FAM135B: variants seen among roughly 807,000 people sequenced by gnomAD.
FAM135B encodes the protein protein FAM135B.
FAM135B carries 43 observed loss-of-function variants against 127.7 expected under a neutral mutation model. The observed-to-expected ratio is 0.34, with a 90% CI of 0.26 to 0.43. The LOEUF is 0.43. FAM135B is among the 20% of genes least tolerant of loss of function. The pLI, the probability that FAM135B is intolerant of heterozygous loss-of-function variation, is 1.00. For missense variants in FAM135B, 1,558 were observed against 1,725.6 expected, an observed-to-expected ratio of 0.90 and a Z score of 1.72; for synonymous variants, 670 against 665.1, an observed-to-expected ratio of 1.01 and a Z score of -0.11.
At chr8:138,206,868 C>A (rs1340269824) in intron 7 of FAM135B, among the ~76,000 whole-genome samples, 1 of 151,764 alleles carries the variant, frequency 6.6e-6, no homozygotes, top group Admixed American at 6.6e-5. Flanking sequence ...ATCCCCTCCA[C>A]CTACCCACAG....
chr8:138,231,430 G>A (rs537227141), intron 7 of FAM135B, among the ~76,000 whole-genome samples: 25 of 152,238 alleles, frequency 1.6e-4, no homozygotes, highest in South Asian at 8.3e-4. Context: ...TAACATAACC[G>A]TTGTCCACAT....
intron 9 of FAM135B, among the ~76,000 whole-genome samples, chr8:138,182,620 TTATAA>T (rs1815168924): frequency 6.6e-6 from 1 of 152,216 alleles, no homozygotes. Flanking sequence ...AATTAGATAA[TTATAA>T]TATACTTGTA....
chr8:138,210,293 A>G (rs1011361785), intron 7 of FAM135B, among the ~76,000 whole-genome samples: 1 of 152,214 alleles, frequency 6.6e-6, no homozygotes, highest in African/African-American at 2.4e-5. Flanking sequence ...GCAGGCACAG[A>G]GTCAGCAGCT....
Position 138,131,593 on chromosome 8 carries a change from C to A in FAM135B, c.*1000G>T, listed in dbSNP as rs1816220356. On this transcript the variant is annotated 3_prime_UTR_variant, in exon 20 of 20. Coordinates refer to ENST00000395297, the MANE Select transcript of FAM135B (RefSeq NM_015912.4). ...ATAGCCAGCACCCTTCTTAGAGCTC[C>A]CCTGAGGTTTTAATCCAGCACTCCT... 1 of 152,602 alleles carries A rather than the reference C, an allele frequency of 6.6e-6. No homozygotes were observed. Among genetic ancestry groups the A allele is most frequent in the Non-Finnish European group, 1.5e-5 (1 of 68,044 alleles). 9.5% of individuals were successfully genotyped at this position (152,602 alleles called of 1,614,324 possible).
intron 1 of FAM135B, among the ~76,000 whole-genome samples, chr8:138,415,333 C>G (rs1235961558): frequency 6.6e-6 from 1 of 152,184 alleles, no homozygotes. Context: ...TGGCCCAGAG[C>G]AGGTGTCCTG....
Position 138,479,671 on chromosome 8 carries a change from A to G in FAM135B, c.-20+17000T>C, listed in dbSNP as rs530752298. ...AGATAATGCATGCAAAGTGCTTAAC[A>G]TAATGCCTGCTAAAATAAATTCAAC... On this transcript the variant is annotated intron_variant, in intron 1 of 19. Coordinates refer to ENST00000395297, the MANE Select transcript of FAM135B (RefSeq NM_015912.4). 1.1e-4 allele frequency among the ~76,000 whole-genome samples: 16 copies of G among 152,350 alleles called. No individual in the cohort carries two copies. In the South Asian group the frequency reaches 3.1e-3, roughly 30 times the overall value.
chr8:138,245,675 T>TA (rs1336089176), intron 6 of FAM135B, among the ~76,000 whole-genome samples: 1 of 152,148 alleles, frequency 6.6e-6, no homozygotes, highest in East Asian at 1.9e-4. Flanking sequence ...AATGGACTAA[T>TA]ACAGTAAATT....
At chr8:138,465,493 T>A (rs1481263678) in intron 1 of FAM135B, among the ~76,000 whole-genome samples, 1 of 152,134 alleles carries the variant, frequency 6.6e-6, no homozygotes, top group African/African-American at 2.4e-5. Flanking sequence ...TGGAGCTGCC[T>A]CTCTAAAATC....
chr8:138,243,035 A>G lies in FAM135B; in HGVS notation c.576T>C (p.Gly192=). ...CTTGTCCGGTGTCTGGGCCACCTTT[A>G]CCAAGCCAGGAGCCTCTTCCTGGAC... The part of the protein sequence containing the change: ...FTRPGRGSWL[G]KGGPDTGQEQ... Residue 192 remains glycine (G), a synonymous_variant, in exon 7 of 20, where the codon GGT becomes GGC. Transcript: ENST00000395297. The surrounding 1 kb of genome is among the most constrained non-coding windows in gnomAD (Gnocchi z 7.5). 6.2e-7 allele frequency: 1 copy of G among 1,613,162 alleles called. No individual in the cohort carries two copies.
At chr8:138,178,301 T>G (rs10112986) in intron 10 of FAM135B, among the ~76,000 whole-genome samples, 57,230 of 151,706 alleles carry the variant, frequency 0.38, 11,217 homozygotes, top group Middle Eastern at 0.49. Context: ...TTAATATTTC[T>G]TGTGATAGGC....
At chr8:138,174,126 C>T (rs753892519) in intron 11 of FAM135B, among the ~76,000 whole-genome samples, 2 of 152,176 alleles carry the variant, frequency 1.3e-5, no homozygotes, top group East Asian at 1.9e-4. Flanking sequence ...TTCCTACTCC[C>T]TCCTATCCTA....
intron 1 of FAM135B, among the ~76,000 whole-genome samples, chr8:138,466,189 G>A (rs551463538): frequency 5.9e-5 from 9 of 152,172 alleles, no homozygotes; most frequent in East Asian, 1.9e-4. Flanking sequence ...AGGGGCCTGC[G>A]GTGGAGGGTA....
chr8:138,192,328 T>C (rs1816203213), intron 9 of FAM135B, among the ~76,000 whole-genome samples: 1 of 152,178 alleles, frequency 6.6e-6, no homozygotes, highest in Non-Finnish European at 1.5e-5. Flanking sequence ...GAACTTGCTT[T>C]ACAGTTTGAA....
intron 3 of FAM135B, among the ~76,000 whole-genome samples, chr8:138,289,153 C>T (rs1824913483): frequency 6.6e-6 from 1 of 152,180 alleles, no homozygotes; most frequent in South Asian, 2.1e-4. Flanking sequence ...TAGATGGAAA[C>T]CTCTATTTTC....
intron 1 of FAM135B, among the ~76,000 whole-genome samples, chr8:138,372,520 T>A (rs572901277): frequency 6.6e-6 from 1 of 152,240 alleles, no homozygotes; most frequent in South Asian, 2.1e-4. Context: ...GACGCCTGGG[T>A]CTCAATGGCC....
chr8:138,229,178 A>G (rs772994978), intron 7 of FAM135B, among the ~76,000 whole-genome samples: 6 of 152,084 alleles, frequency 3.9e-5, no homozygotes, highest in Non-Finnish European at 8.8e-5. Context: ...TATGAGGTTT[A>G]CACCATTGCA....
chr8:138,278,665 C>A (rs554316193), intron 3 of FAM135B, among the ~76,000 whole-genome samples: 37 of 142,052 alleles, frequency 2.6e-4, no homozygotes, highest in Admixed American at 7.6e-5. Context: ...CCAGTTCAAG[C>A]GATTTTCCTA....
chr8:138,432,563 A>G (rs1163858241), intron 1 of FAM135B, among the ~76,000 whole-genome samples: 1 of 151,902 alleles, frequency 6.6e-6, no homozygotes, highest in Non-Finnish European at 1.5e-5. Flanking sequence ...AGAGAGAGTT[A>G]TACAGGTTAT....
intron 1 of FAM135B, among the ~76,000 whole-genome samples, chr8:138,436,358 C>T (rs1835458586): frequency 6.6e-6 from 1 of 152,092 alleles, no homozygotes; most frequent in Non-Finnish European, 1.5e-5. Context: ...TTATGCAATG[C>T]ATAGCGGCAC....
Sources: allele counts gnomAD v4.1 joint callset (sites outside exome capture counted in the v4.1 genomes callset), GRCh38; gene constraint gnomAD v4.1.1; non-coding constraint Gnocchi (gnomAD v3.1); transcripts MANE v1.5; gene names NCBI Gene and HGNC (gene_info 2026-07-23, HGNC 2026-07-21).